NXPH1: variants seen among roughly 807,000 people sequenced by gnomAD.
The protein encoded by NXPH1 is neurexophilin 1.
NXPH1 carries 5 observed loss-of-function variants against 23.7 expected under a neutral mutation model. The ratio of observed to expected loss-of-function variants is 0.21; its 90% CI spans 0.11 to 0.44. The LOEUF is 0.44. Among genes scored for constraint, NXPH1 ranks in the 20% least tolerant of loss-of-function variants. NXPH1 has a pLI of 0.99. For missense variants in NXPH1, 324 were observed against 321.6 expected, an observed-to-expected ratio of 1.01 and a Z score of -0.06; for synonymous variants, 144 against 122.2, an observed-to-expected ratio of 1.18 and a Z score of -1.18.
intron 2 of NXPH1, among the ~76,000 whole-genome samples, chr7:8,745,316 C>G (rs1172165848): frequency 6.6e-6 from 1 of 151,842 alleles, no homozygotes; most frequent in Admixed American, 6.6e-5. Context: ...CATTATCTCA[C>G]ATACTTGTTT....
chr7:8,517,918 T>G (rs1817711462), intron 2 of NXPH1, among the ~76,000 whole-genome samples: 1 of 152,164 alleles, frequency 6.6e-6, no homozygotes, highest in South Asian at 2.1e-4. Context: ...GAATTGTTTT[T>G]GAAATTGAGT....
At chr7:8,723,786 C>T (rs1780005240) in intron 2 of NXPH1, among the ~76,000 whole-genome samples, 1 of 152,162 alleles carries the variant, frequency 6.6e-6, no homozygotes, top group African/African-American at 2.4e-5. Context: ...GTTAGCTTAG[C>T]TAATGGGAAT....
chr7:8,717,876 G>T (rs917194255), intron 2 of NXPH1, among the ~76,000 whole-genome samples: 4 of 133,582 alleles, frequency 3.0e-5, no homozygotes, highest in African/African-American at 1.2e-4. Context: ...TCATGTGGGT[G>T]TATTCTTCTC....
intron 2 of NXPH1, among the ~76,000 whole-genome samples, chr7:8,710,640 GTTTTTTGTTT>G (rs1779774680): frequency 3.6e-5 from 1 of 27,672 alleles, no homozygotes; most frequent in Admixed American, 4.7e-4. Context: ...CAACTGTTAC[GTTTTTTGTTT>G]TTTTTTTTTT....
At chr7:8,652,373 TAATG>T (rs1170699127) in intron 2 of NXPH1, among the ~76,000 whole-genome samples, 1 of 152,180 alleles carries the variant, frequency 6.6e-6, no homozygotes, top group Non-Finnish European at 1.5e-5. Flanking sequence ...AAATAATAGT[TAATG>T]AAAGGTTTTA....
intron 2 of NXPH1, among the ~76,000 whole-genome samples, chr7:8,504,725 A>G (rs1252911068): frequency 6.6e-6 from 1 of 152,004 alleles, no homozygotes; most frequent in African/African-American, 2.4e-5. Flanking sequence ...TAATTGATTC[A>G]TGAGGATAGG....
At chr7:8,651,481 A>C (rs1219871224) in intron 2 of NXPH1, among the ~76,000 whole-genome samples, 1 of 150,508 alleles carries the variant, frequency 6.6e-6, no homozygotes, top group East Asian at 2.0e-4. Flanking sequence ...CTTTGGGTAT[A>C]TACCCAGTAA....
intron 2 of NXPH1, among the ~76,000 whole-genome samples, chr7:8,553,059 C>A (rs950329656): frequency 2.6e-5 from 4 of 151,482 alleles, no homozygotes; most frequent in African/African-American, 4.8e-5. Context: ...TTCCAGTGAT[C>A]CCTTTTATAA....
intron 2 of NXPH1, among the ~76,000 whole-genome samples, chr7:8,525,347 G>A (rs1222349087): frequency 1.3e-5 from 2 of 152,164 alleles, no homozygotes; most frequent in African/African-American, 4.8e-5. Context: ...GCTATTAAAG[G>A]CATTCAGTTT....
intron 2 of NXPH1, among the ~76,000 whole-genome samples, chr7:8,507,967 A>G (rs1056410139): frequency 2.6e-5 from 4 of 152,114 alleles, no homozygotes; most frequent in African/African-American, 7.2e-5. Context: ...TTAATGATAA[A>G]ATCAGGAACA....
intron 2 of NXPH1, among the ~76,000 whole-genome samples, chr7:8,500,722 C>T (rs770346953): frequency 5.3e-5 from 8 of 152,100 alleles, no homozygotes; most frequent in African/African-American, 1.4e-4. Flanking sequence ...CCACTGGAAC[C>T]AGCTGATGCA....
intron 2 of NXPH1, among the ~76,000 whole-genome samples, chr7:8,578,613 G>GT (rs1247699969): frequency 6.6e-6 from 1 of 152,182 alleles, no homozygotes; most frequent in Non-Finnish European, 1.5e-5. Flanking sequence ...TCTGTATTGA[G>GT]TAACTACTGC....
intron 2 of NXPH1, among the ~76,000 whole-genome samples, chr7:8,463,661 G>C (rs1247690785): frequency 1.3e-5 from 2 of 151,862 alleles, no homozygotes; most frequent in East Asian, 1.9e-4. Flanking sequence ...TCAATTATTT[G>C]CATTTACTTA....
intron 2 of NXPH1, among the ~76,000 whole-genome samples, chr7:8,668,706 A>G (rs371224439): frequency 3.7e-4 from 57 of 152,198 alleles, no homozygotes; most frequent in African/African-American, 1.3e-3. Context: ...CTACTAGAAC[A>G]GGCCTGGAGC....
chr7:8,453,701 C>T (rs1414484317), intron 2 of NXPH1, among the ~76,000 whole-genome samples: 1 of 152,092 alleles, frequency 6.6e-6, no homozygotes, highest in Admixed American at 6.5e-5. Flanking sequence ...TGTTGGTTCA[C>T]TAAGGATAAC....
At chr7:8,591,566 A>G (rs1819094191) in intron 2 of NXPH1, among the ~76,000 whole-genome samples, 1 of 152,036 alleles carries the variant, frequency 6.6e-6, no homozygotes, top group South Asian at 2.1e-4. Context: ...CAATATGAAC[A>G]TTCTTCTTCT....
chr7:8,734,145 G>A (rs1026350494), intron 2 of NXPH1, among the ~76,000 whole-genome samples: 1 of 152,124 alleles, frequency 6.6e-6, no homozygotes, highest in African/African-American at 2.4e-5. Context: ...TTTCCCCGTT[G>A]CTTGTTTTTG....
intron 2 of NXPH1, among the ~76,000 whole-genome samples, chr7:8,692,490 G>A (rs1821237514): frequency 6.6e-6 from 1 of 152,142 alleles, no homozygotes; most frequent in African/African-American, 2.4e-5. Flanking sequence ...TAGAATCAAA[G>A]GATTGTTTGT....
At position 8,489,184 on chromosome 7, in the gene NXPH1, C is replaced by T. The variant is rs117478534; in HGVS notation, c.54+53417C>T. Among the ~76,000 whole-genome samples the T allele has an allele frequency of 1.3e-3, 205 of 152,174 alleles. 7 individuals are homozygous for T. In the East Asian group the frequency reaches 0.035, roughly 26 times the overall value. ...TAACAGCAACGTCTGTCCCCACGTGCTGGGGAAGATTCGGCCTATCTAGGG... is the reference window on the plus strand; with the variant it reads ...TAACAGCAACGTCTGTCCCCACGTGTTGGGGAAGATTCGGCCTATCTAGGG... On this transcript the variant is annotated intron_variant, in intron 2 of 2. Transcript: ENST00000405863.
Sources: gnomAD v4.1 joint callset for allele counts (sites outside exome capture counted in the v4.1 genomes callset) on GRCh38, gnomAD v4.1.1 for gene constraint, MANE v1.5 for transcripts, NCBI Gene and HGNC (gene_info 2026-07-23, HGNC 2026-07-21) for gene names.